Variants in EZH1 observed in about 807,000 individuals in gnomAD.
EZH1 encodes histone-lysine N-methyltransferase EZH1.
In EZH1, 33 loss-of-function variants were observed where a neutral mutation model predicts 100.5. The ratio of observed to expected loss-of-function variants is 0.33; its 90% CI spans 0.25 to 0.44. The LOEUF (loss-of-function observed/expected upper bound fraction) is 0.44, where lower values mean the gene tolerates loss of function less well. EZH1 is among the 20% of genes least tolerant of loss of function. EZH1 has a pLI of 1.00. For missense variants in EZH1, 475 were observed against 928.4 expected (o/e 0.51, Z 6.35); for synonymous variants, 272 against 313.8 (o/e 0.87, Z 1.41).
rs1017280875 is a variant in EZH1, at chr17:42,713,353, G to A, written c.1060C>T (p.Arg354Cys). The A allele has an allele frequency of 4.3e-6, 7 of 1,610,434 alleles. No homozygotes were observed. The highest frequency in any genetic ancestry group is 5.1e-6 in the Non-Finnish European group (6 of 1,176,916). ...AKEYAMLHNP[R>C]SKCSGRRRRR... The stretch of plus-strand genomic sequence containing the variant: ...CGGCGACGACCAGAGCACTTGGAGC[G>A]GGGGTTGTGGAGCATGGCATACTCC... The change falls in exon 11 of 21, where the codon CGC (arginine) becomes TGC (cysteine). Residue 354 changes from arginine to cysteine, a missense_variant. Around this residue, in one of 8 missense-constraint regions of EZH1, gnomAD observed 180 missense variants for 295.3 expected, o/e 0.61. Coordinates refer to ENST00000428826, the MANE Select transcript of EZH1 (RefSeq NM_001991.5).
intron 13 of EZH1, 101 bp downstream of exon 13, chr17:42,709,745 G>A: frequency 9.4e-7 from 1 of 1,067,262 alleles, no homozygotes; most frequent in Non-Finnish European, 1.4e-6. Context: ...CACAGCCTGT[G>A]CGGTTGCTAA....
intron 10 of EZH1, among the ~76,000 whole-genome samples, chr17:42,713,920 C>T (rs750478333): frequency 2.6e-5 from 4 of 152,210 alleles, no homozygotes; most frequent in Non-Finnish European, 5.9e-5. Flanking sequence ...AAGAAACTAG[C>T]TTGAGAGTAT....
intron 6 of EZH1, among the ~76,000 whole-genome samples, chr17:42,722,293 G>C (rs1445826799): frequency 6.6e-6 from 1 of 151,202 alleles, no homozygotes; most frequent in Non-Finnish European, 1.5e-5. Flanking sequence ...TTCCAGCCTG[G>C]GTGACTGAGT....
chr17:42,744,557 C>T (rs974057745), intron 1 of EZH1, among the ~76,000 whole-genome samples: 4 of 152,208 alleles, frequency 2.6e-5, no homozygotes, highest in Non-Finnish European at 4.4e-5. Flanking sequence ...GCTACCCCTC[C>T]TCAACATCCC....
At chr17:42,737,125 A>G (rs2054080631) in intron 1 of EZH1, among the ~76,000 whole-genome samples, 1 of 151,936 alleles carries the variant, frequency 6.6e-6, no homozygotes, top group African/African-American at 2.4e-5. Flanking sequence ...AGCTGGGATT[A>G]CAGGCACATG....
chr17:42,701,416 CG>C lies in EZH1; in HGVS notation c.*1115del, dbSNP rs1243125507. Reference sequence around the variant, plus strand: ...ACCCTCTGCCAGTGTGCCCTGCACACGGGGTGCCAGCCTAAACGCGTGCAAT... The same window carrying C: ...ACCCTCTGCCAGTGTGCCCTGCACACGGGTGCCAGCCTAAACGCGTGCAAT... On this transcript the variant is annotated 3_prime_UTR_variant, in exon 21 of 21. Transcript: ENST00000428826. The C allele has an allele frequency of 6.5e-6, 1 of 152,874 alleles. No individual in the cohort carries two copies. The highest frequency in any genetic ancestry group is 1.5e-5 in the Non-Finnish European group (1 of 68,074). 9.5% of individuals were successfully genotyped at this position (152,874 alleles called of 1,614,324 possible). A position where few individuals can be genotyped will look rare whatever the true frequency, so the allele number is the denominator to read the frequency against.
At chr17:42,727,454 G>C (rs1429497883) in intron 4 of EZH1, among the ~76,000 whole-genome samples, 181 bp downstream of exon 4, 1 of 151,906 alleles carries the variant, frequency 6.6e-6, no homozygotes, top group African/African-American at 2.4e-5. Context: ...TGTTGCCCAG[G>C]CTGGTCTCAA....
At chr17:42,734,551 C>T (rs565482524) in intron 1 of EZH1, among the ~76,000 whole-genome samples, 28 of 151,784 alleles carry the variant, frequency 1.8e-4, no homozygotes, top group African/African-American at 6.0e-4. Flanking sequence ...GCAGTCAGTC[C>T]CAGCTACTCA....
rs1021473958 is a variant in EZH1 at position 42,702,424 on chromosome 17, G to A, written c.*108C>T. The A allele has an allele frequency of 1.1e-5, 10 of 938,496 alleles. No homozygotes were observed. Among genetic ancestry groups the A allele is most frequent in the Admixed American group, 9.6e-5 (4 of 41,850 alleles). 58.1% of individuals were successfully genotyped at this position (938,496 alleles called of 1,614,324 possible). ...CACTACAGAGGGAGTGGGTTGGGGG[G>A]TTTCTCAGTGTGGGAGACACAGTGC... On this transcript the variant is annotated 3_prime_UTR_variant, in exon 21 of 21. Coordinates refer to ENST00000428826, the MANE Select transcript of EZH1 (RefSeq NM_001991.5).
At chr17:42,716,421 T>C (rs753086918) in intron 10 of EZH1, among the ~76,000 whole-genome samples, 90 of 152,320 alleles carry the variant, frequency 5.9e-4, no homozygotes, top group African/African-American at 2.0e-3. Context: ...CTCTGCATGA[T>C]TGAAAATGTT....
rs1391629512 is a variant in EZH1 at position 42,706,245 on chromosome 17, T to G, written c.1661-60A>C. On this transcript the variant is annotated intron_variant, in intron 15 of 20. Coordinates refer to ENST00000428826, the MANE Select transcript of EZH1 (RefSeq NM_001991.5). The surrounding 1 kb of genome is among the most constrained non-coding windows in gnomAD (Gnocchi z 4.4). ...AATAAGCTAATACTGGGGCTTGTGG[T>G]TGACTCAAGGGACAGCAAAGAAGTA... The G allele has an allele frequency of 1.4e-6, 2 of 1,469,114 alleles. No homozygotes were observed. Among genetic ancestry groups the G allele is most frequent in the Non-Finnish European group, 1.8e-6 (2 of 1,089,928 alleles). 91.0% of individuals were successfully genotyped at this position (1,469,114 alleles called of 1,614,324 possible). A position where few individuals can be genotyped will look rare whatever the true frequency, so the allele number is the denominator to read the frequency against.
In EZH1 at chr17:42,728,908, T is replaced by C. The variant is rs1389999641; in HGVS notation, c.34A>G (p.Ile12Val). The change falls in exon 3 of 21, where the codon ATC becomes GTC. Residue 12 changes from isoleucine (I) to valine (V), a missense_variant. This residue lies in a region of EZH1 where 105 missense variants were observed against 129.8 expected (regional missense o/e 0.81). Transcript: ENST00000428826. ...TTCACTTTTCTTTTCCAGTAAGTGATACATTTGGAGGTAGGGGGATTTGGT... is the reference window on the plus strand; with the variant it reads ...TTCACTTTTCTTTTCCAGTAAGTGACACATTTGGAGGTAGGGGGATTTGGT... ...EIPNPPTSKCITYWKRKVKSE... is the reference protein window; with the variant it reads ...EIPNPPTSKCVTYWKRKVKSE... 1.2e-6 allele frequency: 2 copies of C among 1,613,472 alleles called. No individual in the cohort carries two copies. Among genetic ancestry groups the C allele is most frequent in the Admixed American group, 3.3e-5 (2 of 59,918 alleles).
At chr17:42,727,144 C>A (rs536615499) in intron 4 of EZH1, among the ~76,000 whole-genome samples, 2 of 152,240 alleles carry the variant, frequency 1.3e-5, no homozygotes, top group East Asian at 3.9e-4. Flanking sequence ...GCCACTGCGT[C>A]CAGCCCCCGT....
At chr17:42,711,491 A>G (rs942135655) in intron 12 of EZH1, among the ~76,000 whole-genome samples, 5 of 151,176 alleles carry the variant, frequency 3.3e-5, no homozygotes, top group African/African-American at 9.7e-5. Flanking sequence ...AAAACAAAAA[A>G]AATTAGCTGG....
intron 1 of EZH1, among the ~76,000 whole-genome samples, chr17:42,738,281 G>A (rs550618078): frequency 1.3e-5 from 2 of 151,658 alleles, no homozygotes; most frequent in African/African-American, 4.8e-5. Flanking sequence ...ATCTACATAA[G>A]GTGTCCCTTT....
At position 42,702,465 on chromosome 17, in the gene EZH1, C is replaced by T; in HGVS notation, c.*67G>A. The T allele has an allele frequency of 1.5e-6, 2 of 1,327,848 alleles. No individual in the cohort carries two copies. The highest frequency in any genetic ancestry group is 2.1e-6 in the Non-Finnish European group (2 of 950,540). 82.3% of individuals were successfully genotyped at this position (1,327,848 alleles called of 1,614,324 possible). A position where few individuals can be genotyped will look rare whatever the true frequency, so the allele number is the denominator to read the frequency against. ...GACACAGTGCAGGAGACTCGAGCAG[C>T]AGTGGTGTGAGCACGAAAGCCAAGA... On this transcript the variant is annotated 3_prime_UTR_variant, in exon 21 of 21. Coordinates refer to ENST00000428826, the MANE Select transcript of EZH1 (RefSeq NM_001991.5).
intron 7 of EZH1, 45 bp from the exon 8 acceptor site, chr17:42,719,252 C>T (rs750307384): frequency 1.9e-5 from 26 of 1,399,214 alleles, no homozygotes; most frequent in Non-Finnish European, 2.6e-5. Context: ...ATTATCAGAA[C>T]ACGTAAACAA....
Position 42,713,054 on chromosome 17 carries a change from A to AG in EZH1, c.1204+154_1204+155insC, listed in dbSNP as rs1555647534. Among the ~76,000 whole-genome samples, 99 of 150,346 alleles carry AG rather than the reference A, an allele frequency of 6.6e-4. 1 individual carries two copies. The highest frequency in any genetic ancestry group is 2.3e-3 in the African/African-American group (91 of 40,138). On this transcript the variant is annotated intron_variant, in intron 11 of 20. Coordinates refer to ENST00000428826, the MANE Select transcript of EZH1 (RefSeq NM_001991.5). Reference sequence around the variant, plus strand: ...GACTGTTTCAAAAAAAAAAAAAAAAAAAAAGAAAATATTCCCCATCTTTAC... The same window carrying AG: ...GACTGTTTCAAAAAAAAAAAAAAAAAGAAAAGAAAATATTCCCCATCTTTAC...
At chr17:42,729,632 G>A (rs950930566) in intron 2 of EZH1, among the ~76,000 whole-genome samples, 1 of 151,770 alleles carries the variant, frequency 6.6e-6, no homozygotes, top group Non-Finnish European at 1.5e-5. Flanking sequence ...CCAGTTATGT[G>A]GGAAGCTGAG....
Sources: gnomAD v4.1 joint callset for allele counts (sites outside exome capture counted in the v4.1 genomes callset) on GRCh38, gnomAD v4.1.1 for gene constraint, gnomAD v4.1.1 regional missense constraint, Gnocchi (gnomAD v3.1) non-coding constraint, MANE v1.5 for transcripts, NCBI Gene and HGNC (gene_info 2026-07-23, HGNC 2026-07-21) for gene names.